NR5A1: variants seen among roughly 807,000 people sequenced by gnomAD.
The protein encoded by NR5A1 is nuclear receptor subfamily 5 group A member 1.
Under a neutral mutation model 42.7 loss-of-function variants are expected in NR5A1, and 6 were observed. The observed-to-expected ratio is 0.14, with a 90% CI of 0.08 to 0.28. NR5A1 has a LOEUF of 0.28. NR5A1 is among the 10% of genes least tolerant of loss of function. The pLI is 1.00. For missense variants in NR5A1, 442 were observed against 626.4 expected (o/e 0.71, Z 3.14); for synonymous variants, 274 against 277.5 (o/e 0.99, Z 0.12).
chr9:124,491,759 C>A (rs1832312598), intron 5 of NR5A1, among the ~76,000 whole-genome samples: 1 of 152,090 alleles, frequency 6.6e-6, no homozygotes, highest in Non-Finnish European at 1.5e-5. Flanking sequence ...ACGGCCACAC[C>A]CGCCCTTGTA....
chr9:124,502,363 C>T (rs1288294415), intron 3 of NR5A1, among the ~76,000 whole-genome samples: 1 of 151,716 alleles, frequency 6.6e-6, no homozygotes, highest in Non-Finnish European at 1.5e-5. Context: ...ACAGGGTTTC[C>T]CTCTCGCCCA....
Position 124,501,024 on chromosome 9 carries a change from T to C in NR5A1, c.245-309A>G. ...TTTCCTTCTGACTCAAACTTTTTTTTTTCTCTTGTGCTTGCTGAACACCCA... is the reference window on the plus strand; with the variant it reads ...TTTCCTTCTGACTCAAACTTTTTTTCTTCTCTTGTGCTTGCTGAACACCCA... On this transcript the variant is annotated intron_variant, in intron 3 of 6. Coordinates refer to ENST00000373588, the MANE Select transcript of NR5A1 (RefSeq NM_004959.5). This position sits in a 1 kb window ranked among gnomAD's most constrained non-coding sequence, Gnocchi z 4.1. 1.5e-6 allele frequency: 1 copy of C among 661,952 alleles called. No homozygotes were observed. The highest frequency in any genetic ancestry group is 2.9e-6 in the Non-Finnish European group (1 of 349,274). 41.0% of individuals were successfully genotyped at this position (661,952 alleles called of 1,614,324 possible).
Position 124,498,969 on chromosome 9 carries a change from G to A in NR5A1, c.870+1121C>T. Among the ~76,000 whole-genome samples the A allele has an allele frequency of 6.6e-6, 1 of 152,210 alleles. No individual in the cohort carries two copies. Among genetic ancestry groups the A allele is most frequent in the Non-Finnish European group, 1.5e-5 (1 of 68,038 alleles). On this transcript the variant is annotated intron_variant, in intron 4 of 6. Transcript: ENST00000373588. This position sits in a 1 kb window ranked among gnomAD's most constrained non-coding sequence, Gnocchi z 4.6. ...ATCCGGCCTCATGCCCCTGGAGGAA[G>A]CCCAGGCCCGAGTGGCGTCAGCATT...
chr9:124,505,747 C>T (rs374828549), intron 1 of NR5A1, among the ~76,000 whole-genome samples: 2 of 152,294 alleles, frequency 1.3e-5, no homozygotes, highest in South Asian at 4.1e-4. Flanking sequence ...GAGGCAGGGC[C>T]CCGCTGCTCC....
At chr9:124,492,957 C>A in intron 5 of NR5A1, 73 bp downstream of exon 5, 1 of 1,475,840 alleles carries the variant, frequency 6.8e-7, no homozygotes, top group Admixed American at 2.2e-5. Context: ...TCCTCCTCTC[C>A]GGGGCCCTGA....
chr9:124,482,840 T>G lies in NR5A1; in HGVS notation c.1304A>C (p.Glu435Ala). ...EVRALSMQAK[E>A]YLYHKHLGNE... is the part of the protein sequence containing the mutation. ...GCCCAGGTGCTTGTGGTACAGGTAC[T>G]CCTTGGCCTGCATGCTCAGGGCCCG... Residue 435 changes from glutamate to alanine, a missense_variant, in exon 7 of 7, where the codon GAG becomes GCG. Coordinates refer to ENST00000373588, the MANE Select transcript of NR5A1 (RefSeq NM_004959.5). 6.2e-7 allele frequency: 1 copy of G among 1,613,522 alleles called. No individual in the cohort carries two copies. The highest frequency in any genetic ancestry group is 8.5e-7 in the Non-Finnish European group (1 of 1,179,882).
chr9:124,490,573 C>A, intron 6 of NR5A1, among the ~76,000 whole-genome samples: 1 of 152,174 alleles, frequency 6.6e-6, no homozygotes, highest in Non-Finnish European at 1.5e-5. Context: ...GTGTTAGGAA[C>A]CTACGTCTTA....
At chr9:124,494,403 G>T (rs1832358227) in intron 4 of NR5A1, among the ~76,000 whole-genome samples, 1 of 152,174 alleles carries the variant, frequency 6.6e-6, no homozygotes, top group African/African-American at 2.4e-5. Flanking sequence ...GGAGTTCCTG[G>T]TCTCTCACAG....
chr9:124,492,298 C>T (rs1832327121), intron 5 of NR5A1, among the ~76,000 whole-genome samples: 1 of 150,916 alleles, frequency 6.6e-6, no homozygotes, highest in Admixed American at 6.6e-5. Flanking sequence ...TCCTCCGTGG[C>T]TGTGCCCCCG....
chr9:124,498,965 G>A lies in NR5A1; in HGVS notation c.870+1125C>T, dbSNP rs1050392642. Among the ~76,000 whole-genome samples, 3 of 152,220 alleles carry A rather than the reference G, an allele frequency of 2.0e-5. No homozygotes were observed. The highest frequency in any genetic ancestry group is 7.2e-5 in the African/African-American group (3 of 41,466). On this transcript the variant is annotated intron_variant, in intron 4 of 6. Coordinates refer to ENST00000373588, the MANE Select transcript of NR5A1 (RefSeq NM_004959.5). The surrounding 1 kb of genome is among the most constrained non-coding windows in gnomAD (Gnocchi z 4.6). ...GCCCATCCGGCCTCATGCCCCTGGA[G>A]GAAGCCCAGGCCCGAGTGGCGTCAG...
chr9:124,507,352 C>A lies in NR5A1; in HGVS notation c.-119G>T, dbSNP rs895446689. On this transcript the variant is annotated 5_prime_UTR_variant, in exon 1 of 7. Coordinates refer to ENST00000373588, the MANE Select transcript of NR5A1 (RefSeq NM_004959.5). Reference sequence around the variant, plus strand: ...GGTGGGACGGTGGCGACTGTGGGTGCGCAGAAACCCCCTCACACCACGGCG... The same window carrying A: ...GGTGGGACGGTGGCGACTGTGGGTGAGCAGAAACCCCCTCACACCACGGCG... The A allele has an allele frequency of 6.6e-6, 1 of 152,320 alleles. No individual in the cohort carries two copies. The highest frequency in any genetic ancestry group is 2.1e-4 in the South Asian group (1 of 4,830). The allele number at this position is 152,320 out of a possible 1,614,324, so 9.4% of individuals were successfully genotyped here. A position where few individuals can be genotyped will look rare whatever the true frequency, so the allele number is the denominator to read the frequency against.
In NR5A1 at chr9:124,496,103, T is replaced by C. The variant is rs2131282952; in HGVS notation, c.871-2954A>G. On this transcript the variant is annotated intron_variant, in intron 4 of 6. Coordinates refer to ENST00000373588, the MANE Select transcript of NR5A1 (RefSeq NM_004959.5). The surrounding 1 kb of genome is among the most constrained non-coding windows in gnomAD (Gnocchi z 5.0). ...CTGCCCCTTGGCCAAGCAGGTCTTG[T>C]ACTCACTGCTTTCCTTGGGTGGACA... Among the ~76,000 whole-genome samples, 1 of 152,226 alleles carries C rather than the reference T, an allele frequency of 6.6e-6. No individual in the cohort carries two copies. The highest frequency in any genetic ancestry group is 2.4e-5 in the African/African-American group (1 of 41,512).
chr9:124,493,603 C>T (rs1378300469), intron 4 of NR5A1, among the ~76,000 whole-genome samples: 1 of 152,212 alleles, frequency 6.6e-6, no homozygotes, highest in Non-Finnish European at 1.5e-5. Context: ...TGGTCGGTCA[C>T]ACCTCTGGCA....
chr9:124,492,654 C>T (rs1832332952), intron 5 of NR5A1, among the ~76,000 whole-genome samples: 1 of 152,110 alleles, frequency 6.6e-6, no homozygotes, highest in Non-Finnish European at 1.5e-5. Context: ...ACACTTCCAC[C>T]CTCTCTGAGC....
chr9:124,486,811 C>T (rs1832217581), intron 6 of NR5A1, among the ~76,000 whole-genome samples: 1 of 152,204 alleles, frequency 6.6e-6, no homozygotes, highest in African/African-American at 2.4e-5. Flanking sequence ...GACACGGGAG[C>T]GGGGTCAAAC....
chr9:124,504,544 G>A (rs1050040855), intron 1 of NR5A1, among the ~76,000 whole-genome samples: 7 of 151,966 alleles, frequency 4.6e-5, no homozygotes, highest in Non-Finnish European at 4.4e-5. Context: ...GGGGGTCGGC[G>A]GGCTCCGGGA....
chr9:124,499,312 T>C (rs1332682046), intron 4 of NR5A1, among the ~76,000 whole-genome samples: 1 of 152,108 alleles, frequency 6.6e-6, no homozygotes, highest in African/African-American at 2.4e-5. Context: ...CTGATTACTG[T>C]AGCATCAGGT....
intron 1 of NR5A1, among the ~76,000 whole-genome samples, chr9:124,504,245 G>A (rs1341147136): frequency 2.6e-5 from 4 of 152,168 alleles, no homozygotes; most frequent in Non-Finnish European, 5.9e-5. Flanking sequence ...GAAACACGGA[G>A]AGAAAACCTG....
intron 6 of NR5A1, among the ~76,000 whole-genome samples, chr9:124,483,739 G>A (rs984010701): frequency 6.6e-6 from 1 of 152,146 alleles, no homozygotes; most frequent in African/African-American, 2.4e-5. Flanking sequence ...TCAGCACCAC[G>A]CCCACAGAGG....
Sources: gnomAD v4.1 joint callset for allele counts (sites outside exome capture counted in the v4.1 genomes callset) on GRCh38, gnomAD v4.1.1 for gene constraint, Gnocchi (gnomAD v3.1) non-coding constraint, MANE v1.5 for transcripts, NCBI Gene and HGNC (gene_info 2026-07-23, HGNC 2026-07-21) for gene names.